The following ZYG11B variants were observed in gnomAD, a reference collection of about 807,000 sequenced individuals.
The protein encoded by ZYG11B is zyg-11 family member B, cell cycle regulator, also known as protein zyg-11 homolog B.
A neutral mutation model predicts 82.4 loss-of-function variants in ZYG11B; 36 were observed. The ratio of observed to expected loss-of-function variants is 0.44; its 90% CI spans 0.33 to 0.58. The LOEUF is 0.58. Ranked by LOEUF, ZYG11B falls within the 20% of genes least tolerant of loss-of-function variation. The probability of loss-of-function intolerance (pLI) is 0.02; values close to 1 mark genes in which losing one functional copy is unlikely to be tolerated. For missense variants in ZYG11B, 552 were observed against 895.6 expected (o/e 0.62, Z 4.90); for synonymous variants, 303 against 312.8 (o/e 0.97, Z 0.33).
intron 6 of ZYG11B, among the ~76,000 whole-genome samples, chr1:52,791,857 G>A (rs796967564): frequency 7.2e-5 from 11 of 152,046 alleles, no homozygotes; most frequent in Admixed American, 1.3e-4. Context: ...GCTCATCATC[G>A]TAACAAAGTC....
Position 52,823,096 on chromosome 1 carries a change from C to A in ZYG11B, c.*1467C>A, listed in dbSNP as rs1019928255. 2 of 152,038 alleles carry A rather than the reference C, an allele frequency of 1.3e-5. No homozygotes were observed. Among genetic ancestry groups the A allele is most frequent in the African/African-American group, 2.4e-5 (1 of 41,390 alleles). The allele number at this position is 152,038 out of a possible 1,614,324, so 9.4% of individuals were successfully genotyped here. ...TGACAAACATTTTATACCATTATCA[C>A]AATAATCAGACTTGAATTTTTTTTG... On this transcript the variant is annotated 3_prime_UTR_variant, in exon 14 of 14. Transcript: ENST00000294353.
chr1:52,810,586 A>G (rs1284484784), intron 10 of ZYG11B, among the ~76,000 whole-genome samples: 3 of 152,194 alleles, frequency 2.0e-5, no homozygotes, highest in Admixed American at 6.5e-5. Flanking sequence ...AGTAAAGGAC[A>G]CTGAGAGTCA....
At chr1:52,775,825 C>T (rs117608744) in intron 3 of ZYG11B, among the ~76,000 whole-genome samples, 7,282 of 152,228 alleles carry the variant, frequency 0.048, 476 homozygotes, top group East Asian at 0.35. Context: ...CGCCTGTAAT[C>T]CCAGCACTTT....
intron 8 of ZYG11B, 151 bp downstream of exon 8, chr1:52,796,935 T>TAA (rs2149954678): frequency 9.4e-6 from 1 of 105,902 alleles, no homozygotes; most frequent in Admixed American, 1.6e-4. Context: ...TAATTATATA[T>TAA]TATATATAAT....
At chr1:52,794,851 TC>T (rs1644994813) in intron 6 of ZYG11B, among the ~76,000 whole-genome samples, 1 of 152,194 alleles carries the variant, frequency 6.6e-6, no homozygotes, top group African/African-American at 2.4e-5. Flanking sequence ...TCTCTTCACT[TC>T]CATTTCTATC....
At chr1:52,743,422 A>AT (rs1221741215) in intron 1 of ZYG11B, among the ~76,000 whole-genome samples, 70 of 151,394 alleles carry the variant, frequency 4.6e-4, no homozygotes, top group Non-Finnish European at 9.0e-4. Flanking sequence ...AAAAAAAAAA[A>AT]AAGTAAAAGT....
Position 52,826,299 on chromosome 1 carries a change from T to C in ZYG11B, c.*4670T>C, listed in dbSNP as rs2149972201. ...GGTTTCCCTCTCAAATCCATGGTAG[T>C]AGTTTCAAATGAGTTTGTGGATAAT... On this transcript the variant is annotated 3_prime_UTR_variant, in exon 14 of 14. Transcript: ENST00000294353. 6.6e-6 allele frequency: 1 copy of C among 152,308 alleles called. No individual in the cohort carries two copies. The highest frequency in any genetic ancestry group is 3.4e-3 in the Middle Eastern group (1 of 294). 9.4% of individuals were successfully genotyped at this position (152,308 alleles called of 1,614,324 possible).
At chr1:52,727,907 T>C (rs1045114873) in intron 1 of ZYG11B, among the ~76,000 whole-genome samples, 1 of 152,164 alleles carries the variant, frequency 6.6e-6, no homozygotes, top group Non-Finnish European at 1.5e-5. Flanking sequence ...CTGATAATTA[T>C]GTTCCCCTAG....
In ZYG11B at chr1:52,771,437, T is replaced by C; in HGVS notation, c.614T>C (p.Leu205Pro). 4 of 1,613,972 alleles carry C rather than the reference T, an allele frequency of 2.5e-6. No individual in the cohort carries two copies. The highest frequency in any genetic ancestry group is 3.4e-6 in the Non-Finnish European group (4 of 1,179,998). Residue 205 changes from leucine (L) to proline (P), a missense_variant, in exon 3 of 14, where the codon CTG becomes CCG. This residue lies in a region of ZYG11B where 359 missense variants were observed against 555.8 expected (regional missense o/e 0.65). Transcript: ENST00000294353. The surrounding 1 kb of genome is among the most constrained non-coding windows in gnomAD (Gnocchi z 5.4). The stretch of plus-strand genomic sequence containing the variant: ...TCAATCACAGACATCACTGCTCTAC[T>C]GGCCTGCAAAGACCGACTCAAGTCT... Reference protein sequence around the residue: ...NTSITDITALLACKDRLKSLT... With the variant: ...NTSITDITALPACKDRLKSLT...
chr1:52,778,883 A>G (rs1400918245), intron 3 of ZYG11B, among the ~76,000 whole-genome samples: 2 of 152,172 alleles, frequency 1.3e-5, no homozygotes, highest in Non-Finnish European at 2.9e-5. Flanking sequence ...AAATTAATTG[A>G]TACATTTATT....
intron 1 of ZYG11B, among the ~76,000 whole-genome samples, chr1:52,732,334 AAT>A (rs1218186922): frequency 1.3e-5 from 2 of 152,206 alleles, no homozygotes; most frequent in African/African-American, 4.8e-5. Flanking sequence ...ATAGGAGGGA[AAT>A]CTTACTAAAT....
rs901479166 is a variant in ZYG11B, at chr1:52,825,084, T to G, written c.*3455T>G. On this transcript the variant is annotated 3_prime_UTR_variant, in exon 14 of 14. Coordinates refer to ENST00000294353, the MANE Select transcript of ZYG11B (RefSeq NM_024646.3). ...AGTATAATGATGTTCTAGGGCATAA[T>G]GAGGAAAATTTTTAAAAAATAGATT... 2.6e-5 allele frequency: 4 copies of G among 152,074 alleles called. No homozygotes were observed. The highest frequency in any genetic ancestry group is 9.7e-5 in the African/African-American group (4 of 41,406). 9.4% of individuals were successfully genotyped at this position (152,074 alleles called of 1,614,324 possible).
chr1:52,732,417 A>G (rs1195448133), intron 1 of ZYG11B, among the ~76,000 whole-genome samples: 1 of 152,152 alleles, frequency 6.6e-6, no homozygotes, highest in Non-Finnish European at 1.5e-5. Flanking sequence ...GGCATTCTGT[A>G]TCTCCCCCTA....
At chr1:52,811,235 A>AT (rs1374680687) in intron 10 of ZYG11B, among the ~76,000 whole-genome samples, 11 of 151,826 alleles carry the variant, frequency 7.2e-5, no homozygotes, top group Non-Finnish European at 1.6e-4. Context: ...TAAGTGGACA[A>AT]TTTTTTTCTG....
At chr1:52,743,627 G>A (rs911217509) in intron 1 of ZYG11B, among the ~76,000 whole-genome samples, 2 of 152,020 alleles carry the variant, frequency 1.3e-5, no homozygotes, top group Non-Finnish European at 1.5e-5. Flanking sequence ...TAAGGTGAGA[G>A]GATCGCTTGA....
chr1:52,824,728 A>G lies in ZYG11B; in HGVS notation c.*3099A>G, dbSNP rs928983703. The G allele has an allele frequency of 2.0e-5, 3 of 152,170 alleles. No homozygotes were observed. The highest frequency in any genetic ancestry group is 4.4e-5 in the Non-Finnish European group (3 of 68,028). 9.4% of individuals were successfully genotyped at this position (152,170 alleles called of 1,614,324 possible). ...GTTGGGATGGTTCCTAAAATTGCGT[A>G]TAGAATTAAGGCACAGAATTGTGTG... On this transcript the variant is annotated 3_prime_UTR_variant, in exon 14 of 14. Coordinates refer to ENST00000294353, the MANE Select transcript of ZYG11B (RefSeq NM_024646.3).
At chr1:52,760,181 G>A (rs1392558457) in intron 2 of ZYG11B, among the ~76,000 whole-genome samples, 5 of 152,128 alleles carry the variant, frequency 3.3e-5, no homozygotes, top group South Asian at 2.1e-4. Flanking sequence ...AGTGATTCAC[G>A]CCTGTAATCC....
At chr1:52,769,085 T>C (rs1447466335) in intron 2 of ZYG11B, among the ~76,000 whole-genome samples, 1 of 152,228 alleles carries the variant, frequency 6.6e-6, no homozygotes, top group Non-Finnish European at 1.5e-5. Flanking sequence ...GTTTGTGTCT[T>C]TTTTACTCCA....
intron 6 of ZYG11B, among the ~76,000 whole-genome samples, chr1:52,790,514 A>G (rs1360129261): frequency 6.6e-6 from 1 of 152,004 alleles, no homozygotes; most frequent in Non-Finnish European, 1.5e-5. Context: ...GAGGATCCCC[A>G]TGTCAGGAGT....
Sources: allele counts gnomAD v4.1 joint callset (sites outside exome capture counted in the v4.1 genomes callset), GRCh38; gene constraint gnomAD v4.1.1; regional missense constraint gnomAD v4.1.1; non-coding constraint Gnocchi (gnomAD v3.1); transcripts MANE v1.5; gene names NCBI Gene and HGNC (gene_info 2026-07-23, HGNC 2026-07-21).